HSD17B12: variants seen among roughly 807,000 people sequenced by gnomAD.
HSD17B12 encodes the protein hydroxysteroid 17-beta dehydrogenase 12.
HSD17B12 carries 32 observed loss-of-function variants against 39.3 expected under a neutral mutation model. That is an observed-to-expected ratio of 0.81 (90% CI 0.61 to 1.09). HSD17B12 has a LOEUF of 1.09. HSD17B12 is among the 50% of genes least tolerant of loss of function. The probability of loss-of-function intolerance (pLI) is 0.00; values close to 1 mark genes in which losing one functional copy is unlikely to be tolerated. For synonymous variants in HSD17B12, 150 were observed against 146.7 expected, an observed-to-expected ratio of 1.02 and a Z score of -0.16; for missense variants, 342 against 382.9, an observed-to-expected ratio of 0.89 and a Z score of 0.89.
At chr11:43,618,778 C>CT in the HSD17B12 span, among the ~76,000 whole-genome samples, 1 of 152,066 alleles carries the variant, frequency 6.6e-6, no homozygotes, top group Non-Finnish European at 1.5e-5. Context: ...TTTCTGAGGA[C>CT]TTCAGAACTA....
the HSD17B12 span, among the ~76,000 whole-genome samples, chr11:43,607,267 C>T: frequency 2.8e-5 from 4 of 140,600 alleles, no homozygotes; most frequent in South Asian, 2.4e-4. Context: ...TGTGCTGGCA[C>T]GTGTGCTCCT....
chr11:43,840,229 G>A (rs1475971838), intron 9 of HSD17B12, among the ~76,000 whole-genome samples, 165 bp downstream of exon 9: 1 of 152,032 alleles, frequency 6.6e-6, no homozygotes, highest in Non-Finnish European at 1.5e-5. Flanking sequence ...CACTTGTCTA[G>A]ATTTTTAAAA....
chr11:43,670,833 T>C, the HSD17B12 span, among the ~76,000 whole-genome samples: 48,593 of 151,762 alleles, frequency 0.32, 7,914 homozygotes, highest in African/African-American at 0.36. Flanking sequence ...TGCAGTGAGC[T>C]ATGATCATAC....
chr11:43,726,963 A>G (rs546689063), intron 1 of HSD17B12, among the ~76,000 whole-genome samples: 2 of 152,324 alleles, frequency 1.3e-5, no homozygotes, highest in African/African-American at 4.8e-5. Flanking sequence ...ATTAATTGGG[A>G]AAGTTTGCTT....
At chr11:43,567,765 G>A in the HSD17B12 span, among the ~76,000 whole-genome samples, 11 of 152,134 alleles carry the variant, frequency 7.2e-5, no homozygotes, top group Admixed American at 5.9e-4. Context: ...AATGTTTTGG[G>A]GGTGCCAAGA....
At chr11:43,590,407 T>C in the HSD17B12 span, among the ~76,000 whole-genome samples, 1 of 127,130 alleles carries the variant, frequency 7.9e-6, no homozygotes, top group Non-Finnish European at 1.6e-5. Flanking sequence ...CAGGGTCAAC[T>C]CATCTTTAAG....
intron 6 of HSD17B12, 68 bp downstream of exon 6, chr11:43,816,459 C>A: frequency 1.5e-6 from 2 of 1,350,268 alleles, no homozygotes; most frequent in Non-Finnish European, 2.0e-6. Flanking sequence ...CTGACATAAT[C>A]AGCTTGTTCA....
At chr11:43,582,617 G>A in the HSD17B12 span, among the ~76,000 whole-genome samples, 2 of 152,290 alleles carry the variant, frequency 1.3e-5, no homozygotes, top group Middle Eastern at 6.8e-3. Context: ...CGTTTTCGGG[G>A]AGGGCCTGAA....
the HSD17B12 span, among the ~76,000 whole-genome samples, chr11:43,619,158 A>G: frequency 3.6e-5 from 4 of 110,390 alleles, no homozygotes; most frequent in African/African-American, 9.2e-5. Context: ...GAAAAAGTAT[A>G]TATATGATAT....
chr11:43,616,398 G>C, the HSD17B12 span, among the ~76,000 whole-genome samples: 2 of 106,820 alleles, frequency 1.9e-5, no homozygotes, highest in Non-Finnish European at 3.9e-5. Context: ...GACAGAGTGA[G>C]ACTCCATCTA....
chr11:43,708,900 C>T (rs924676441), intron 1 of HSD17B12, among the ~76,000 whole-genome samples: 2 of 152,192 alleles, frequency 1.3e-5, no homozygotes, highest in Admixed American at 6.5e-5. Flanking sequence ...ACCTTCTTCT[C>T]GCCCGTGCTT....
chr11:43,757,708 A>G (rs1404424053), intron 3 of HSD17B12, among the ~76,000 whole-genome samples: 2 of 138,062 alleles, frequency 1.4e-5, no homozygotes, highest in East Asian at 1.9e-4. Context: ...AACCAAAAAA[A>G]GCACACACAA....
At chr11:43,580,101 G>T in the HSD17B12 span, among the ~76,000 whole-genome samples, 1 of 151,714 alleles carries the variant, frequency 6.6e-6, no homozygotes, top group African/African-American at 2.4e-5. Flanking sequence ...ATGTGGGAAG[G>T]GTGGCGCTGC....
At chr11:43,796,118 G>A (rs935875359) in intron 3 of HSD17B12, among the ~76,000 whole-genome samples, 1 of 152,150 alleles carries the variant, frequency 6.6e-6, no homozygotes, top group Admixed American at 6.5e-5. Context: ...GAGGAGCAAC[G>A]GGGAGAGTAG....
At chr11:43,649,824 G>A in the HSD17B12 span, among the ~76,000 whole-genome samples, 3 of 152,288 alleles carry the variant, frequency 2.0e-5, no homozygotes, top group East Asian at 5.8e-4. Flanking sequence ...CTGCCTTTTG[G>A]AAGCTGACCA....
chr11:43,712,512 T>G (rs556039047), intron 1 of HSD17B12, among the ~76,000 whole-genome samples: 5 of 152,188 alleles, frequency 3.3e-5, no homozygotes, highest in African/African-American at 1.2e-4. Flanking sequence ...TAATAACTCT[T>G]TCAACCAATT....
chr11:43,681,048 T>A (rs1949739331), intron 1 of HSD17B12, 61 bp downstream of exon 1: 2 of 1,489,706 alleles, frequency 1.3e-6, no homozygotes, highest in African/African-American at 2.8e-5. Context: ...GCCTGGGCCG[T>A]GATGACTAGT....
chr11:43,628,706 A>G, the HSD17B12 span, among the ~76,000 whole-genome samples: 1 of 152,018 alleles, frequency 6.6e-6, no homozygotes. Flanking sequence ...AAAACTTCTG[A>G]GATATCAAAA....
At chr11:43,561,809 G>A in the HSD17B12 span, among the ~76,000 whole-genome samples, 3,793 of 152,198 alleles carry the variant, frequency 0.025, 152 homozygotes, top group African/African-American at 0.085. Flanking sequence ...CTGCTGCAGC[G>A]ACAGTCCAGT....
Sources: allele counts gnomAD v4.1 joint callset (sites outside exome capture counted in the v4.1 genomes callset), GRCh38; gene constraint gnomAD v4.1.1; transcripts MANE v1.5; gene names NCBI Gene and HGNC (gene_info 2026-07-23, HGNC 2026-07-21).